INPP4B: variants seen among roughly 807,000 people sequenced by gnomAD.
INPP4B encodes inositol polyphosphate-4-phosphatase type II B, also known as inositol polyphosphate 4-phosphatase type II.
Under a neutral mutation model 122.5 loss-of-function variants are expected in INPP4B, and 55 were observed. The observed-to-expected ratio is 0.45, with a 90% CI of 0.36 to 0.56. The LOEUF (loss-of-function observed/expected upper bound fraction) is 0.56. Ranked by LOEUF, INPP4B falls within the 20% of genes least tolerant of loss-of-function variation. The pLI is 0.00. For missense variants in INPP4B, 1,000 were observed against 1,097.7 expected, an observed-to-expected ratio of 0.91 and a Z score of 1.26; for synonymous variants, 403 against 388.7, an observed-to-expected ratio of 1.04 and a Z score of -0.43.
intron 18 of INPP4B, among the ~76,000 whole-genome samples, chr4:142,128,766 G>C (rs1236594898): frequency 1.3e-5 from 2 of 151,816 alleles, no homozygotes; most frequent in Non-Finnish European, 2.9e-5. Context: ...TTCAGAGAAC[G>C]GCTGCTGGGT....
intron 7 of INPP4B, among the ~76,000 whole-genome samples, chr4:142,320,101 AG>A (rs1166964807): frequency 7.9e-5 from 12 of 152,186 alleles, no homozygotes; most frequent in Non-Finnish European, 1.5e-4. Context: ...TGTTCACAGG[AG>A]GATGCTCTAA....
At chr4:142,419,534 A>C (rs1806427474) in intron 5 of INPP4B, among the ~76,000 whole-genome samples, 1 of 152,086 alleles carries the variant, frequency 6.6e-6, no homozygotes, top group Non-Finnish European at 1.5e-5. Context: ...AGAGAACTTA[A>C]GCTTTGGGCT....
At chr4:142,507,712 T>C (rs1824199971) in intron 2 of INPP4B, among the ~76,000 whole-genome samples, 1 of 152,096 alleles carries the variant, frequency 6.6e-6, no homozygotes, top group Non-Finnish European at 1.5e-5. Flanking sequence ...GGATGTGAGT[T>C]GCCAGCTCTA....
intron 1 of INPP4B, among the ~76,000 whole-genome samples, chr4:142,786,908 C>T (rs1317578318): frequency 6.6e-6 from 1 of 151,700 alleles, no homozygotes; most frequent in Non-Finnish European, 1.5e-5. Flanking sequence ...AGAGGTATGA[C>T]AAGTAAATAT....
intron 2 of INPP4B, among the ~76,000 whole-genome samples, chr4:142,719,693 A>G (rs1377740813): frequency 1.3e-5 from 2 of 152,196 alleles, no homozygotes; most frequent in South Asian, 2.1e-4. Flanking sequence ...AAAAAATTAT[A>G]TGTACTATAA....
chr4:142,397,630 G>A (rs535950181), intron 7 of INPP4B, among the ~76,000 whole-genome samples: 1 of 151,992 alleles, frequency 6.6e-6, no homozygotes, highest in Non-Finnish European at 1.5e-5. Context: ...ACGAGGTCAG[G>A]AGATGAGACC....
At chr4:142,331,093 G>A (rs1019639128) in intron 7 of INPP4B, among the ~76,000 whole-genome samples, 3 of 152,148 alleles carry the variant, frequency 2.0e-5, no homozygotes, top group African/African-American at 7.2e-5. Flanking sequence ...CCACAGGCAA[G>A]GAAATTCAAG....
intron 7 of INPP4B, among the ~76,000 whole-genome samples, chr4:142,333,937 C>T (rs1775635102): frequency 6.6e-6 from 1 of 152,082 alleles, no homozygotes; most frequent in Non-Finnish European, 1.5e-5. Context: ...GTATTGTTAG[C>T]TATTTTCACT....
intron 1 of INPP4B, among the ~76,000 whole-genome samples, chr4:142,806,770 AGAAAGAAAGAAAGAAG>A (rs1266591658): frequency 0.079 from 6,889 of 86,796 alleles, 350 homozygotes; most frequent in Non-Finnish European, 0.091. Flanking sequence ...GAAAGAAGAA[AGAAAGAAAGAAAGAAG>A]GAAAGAAAGA....
intron 1 of INPP4B, among the ~76,000 whole-genome samples, chr4:142,770,015 A>G (rs1313020909): frequency 1.3e-5 from 2 of 152,220 alleles, no homozygotes; most frequent in African/African-American, 4.8e-5. Flanking sequence ...TCTTCAAGTG[A>G]GAGAGAGGCT....
At chr4:142,526,230 T>C (rs1222418037) in intron 2 of INPP4B, among the ~76,000 whole-genome samples, 3 of 152,062 alleles carry the variant, frequency 2.0e-5, no homozygotes, top group Admixed American at 6.6e-5. Context: ...ATCTATACTA[T>C]TTAAAAGCCC....
chr4:142,721,639 A>G (rs1338381616), intron 2 of INPP4B, among the ~76,000 whole-genome samples: 1 of 152,100 alleles, frequency 6.6e-6, no homozygotes, highest in African/African-American at 2.4e-5. Flanking sequence ...TGGCTAACAC[A>G]GTGAAACCCC....
intron 1 of INPP4B, among the ~76,000 whole-genome samples, chr4:142,796,985 A>G (rs1254881044): frequency 6.6e-6 from 1 of 151,790 alleles, no homozygotes; most frequent in Non-Finnish European, 1.5e-5. Context: ...ATATTCTCAA[A>G]CATAAACAGA....
intron 2 of INPP4B, among the ~76,000 whole-genome samples, chr4:142,624,406 G>C (rs1191678994): frequency 6.6e-6 from 1 of 151,576 alleles, no homozygotes; most frequent in Non-Finnish European, 1.5e-5. Flanking sequence ...CCCACTTTTT[G>C]ATGGGGTTGT....
chr4:142,259,336 C>T (rs1228629667), intron 11 of INPP4B, among the ~76,000 whole-genome samples: 1 of 149,080 alleles, frequency 6.7e-6, no homozygotes, highest in Non-Finnish European at 1.5e-5. Context: ...CACATGTACC[C>T]TAAAACTTAA....
intron 25 of INPP4B, among the ~76,000 whole-genome samples, chr4:142,081,412 A>G (rs539406664): frequency 1.3e-5 from 2 of 152,338 alleles, no homozygotes; most frequent in Non-Finnish European, 2.9e-5. Context: ...GTGGAAATGA[A>G]TCAAGAAACA....
rs147928071 is a variant in INPP4B at position 142,114,925 on chromosome 4, C to T, written c.2136-2243G>A. On this transcript the variant is annotated intron_variant, in intron 21 of 25. Coordinates refer to ENST00000262992, the MANE Select transcript of INPP4B (RefSeq NM_001101669.3). ...ATAAAAACCTCGAAAAAAGATTAGA[C>T]AAATGGTTAACTAGAATAAACAGTA... Among the ~76,000 whole-genome samples the T allele has an allele frequency of 8.0e-3, 1,213 of 152,008 alleles. 17 individuals are homozygous for T. The highest frequency in any genetic ancestry group is 0.027 in the African/African-American group (1,119 of 41,494).
chr4:142,069,096 A>G (rs1765410102), intron 25 of INPP4B, among the ~76,000 whole-genome samples: 1 of 152,232 alleles, frequency 6.6e-6, no homozygotes, highest in Non-Finnish European at 1.5e-5. Flanking sequence ...AGCACTCCTC[A>G]GCAAATGTAA....
chr4:142,487,441 T>C (rs1821341815), intron 2 of INPP4B, among the ~76,000 whole-genome samples: 1 of 152,188 alleles, frequency 6.6e-6, no homozygotes, highest in South Asian at 2.1e-4. Flanking sequence ...CTTGATCCTG[T>C]GGATTTCTAT....
Sources: allele counts gnomAD v4.1 joint callset (sites outside exome capture counted in the v4.1 genomes callset), GRCh38; gene constraint gnomAD v4.1.1; transcripts MANE v1.5; gene names NCBI Gene and HGNC (gene_info 2026-07-23, HGNC 2026-07-21).